MLLT1: variants seen among roughly 807,000 people sequenced by gnomAD.
MLLT1 encodes protein ENL.
A neutral mutation model predicts 55.1 loss-of-function variants in MLLT1; 11 were observed. That is an observed-to-expected ratio of 0.20 (90% CI 0.13 to 0.33). MLLT1 has a LOEUF of 0.33. Among genes scored for constraint, MLLT1 ranks in the 10% least tolerant of loss-of-function variants. MLLT1 has a pLI of 1.00. For missense variants in MLLT1, 536 were observed against 760.6 expected (o/e 0.70, Z 3.47); for synonymous variants, 323 against 320.1 (o/e 1.01, Z -0.10).
At chr19:6,257,336 G>A (rs560283171) in intron 3 of MLLT1, among the ~76,000 whole-genome samples, 5 of 150,892 alleles carry the variant, frequency 3.3e-5, no homozygotes, top group Admixed American at 2.6e-4. Context: ...TCACACTACT[G>A]CACTCCAGCC....
At chr19:6,218,790 C>T (rs752493463) in intron 6 of MLLT1, among the ~76,000 whole-genome samples, 1 of 152,244 alleles carries the variant, frequency 6.6e-6, no homozygotes, top group Non-Finnish European at 1.5e-5. Context: ...GCACTGCAGA[C>T]ACCTGCACGG....
At chr19:6,261,269 G>A (rs925258419) in intron 3 of MLLT1, among the ~76,000 whole-genome samples, 6 of 152,190 alleles carry the variant, frequency 3.9e-5, no homozygotes, top group South Asian at 2.1e-4. Flanking sequence ...TGGACCCCGC[G>A]CGAGGCCTTG....
At chr19:6,243,281 C>T (rs1849124294) in intron 3 of MLLT1, among the ~76,000 whole-genome samples, 1 of 152,152 alleles carries the variant, frequency 6.6e-6, no homozygotes, top group South Asian at 2.1e-4. Context: ...GCCCCCGGCC[C>T]CTGCCCTGCC....
At chr19:6,272,216 T>C (rs1216530547) in intron 1 of MLLT1, among the ~76,000 whole-genome samples, 1 of 152,072 alleles carries the variant, frequency 6.6e-6, no homozygotes, top group Non-Finnish European at 1.5e-5. Context: ...CCTAACCCTT[T>C]TGAAGTCAGA....
At chr19:6,275,243 C>G (rs117339589) in intron 1 of MLLT1, among the ~76,000 whole-genome samples, 71 of 152,314 alleles carry the variant, frequency 4.7e-4, no homozygotes, top group Non-Finnish European at 9.3e-4. Flanking sequence ...ACCTGGAGTT[C>G]GGCTACTGCA....
chr19:6,244,425 C>T (rs999578147), intron 3 of MLLT1, among the ~76,000 whole-genome samples: 2 of 151,788 alleles, frequency 1.3e-5, no homozygotes, highest in African/African-American at 4.8e-5. Flanking sequence ...TACTAGATAC[C>T]CACTACCCTT....
chr19:6,258,357 AACTGAT>A (rs1252029508), intron 3 of MLLT1, among the ~76,000 whole-genome samples: 1 of 152,124 alleles, frequency 6.6e-6, no homozygotes, highest in Non-Finnish European at 1.5e-5. Flanking sequence ...TGCAACCCCA[AACTGAT>A]ACTGTCAGCT....
chr19:6,254,657 A>G (rs1239083571), intron 3 of MLLT1, among the ~76,000 whole-genome samples: 1 of 152,208 alleles, frequency 6.6e-6, no homozygotes, highest in African/African-American at 2.4e-5. Context: ...GGTGTCAGAA[A>G]TGTTGTGAGT....
At chr19:6,233,908 T>C (rs1600187355) in intron 3 of MLLT1, among the ~76,000 whole-genome samples, 1 of 150,080 alleles carries the variant, frequency 6.7e-6, no homozygotes, top group South Asian at 2.1e-4. Context: ...CTTGTCCCAG[T>C]GGGTCCCTGC....
In MLLT1 at chr19:6,236,981, G is replaced by A. The variant is rs543874567; in HGVS notation, c.277-6268C>T. On this transcript the variant is annotated intron_variant, in intron 3 of 11. Coordinates refer to ENST00000252674, the MANE Select transcript of MLLT1 (RefSeq NM_005934.4). Reference sequence around the variant, plus strand: ...TCCCCACTCCCAGGCTGCTGGCCACGAGCCAGCGTCTCTCTGGCCTCGGGA... The same window carrying A: ...TCCCCACTCCCAGGCTGCTGGCCACAAGCCAGCGTCTCTCTGGCCTCGGGA... 1.2e-4 allele frequency among the ~76,000 whole-genome samples: 19 copies of A among 152,376 alleles called. No individual in the cohort carries two copies. In the South Asian group the frequency reaches 3.7e-3, roughly 30 times the overall value.
intron 2 of MLLT1, among the ~76,000 whole-genome samples, chr19:6,269,181 A>C (rs2091373583): frequency 6.6e-6 from 1 of 152,252 alleles, no homozygotes; most frequent in African/African-American, 2.4e-5. Context: ...GTGCACCAAT[A>C]AAAACAGGCT....
chr19:6,213,903 T>C, intron 9 of MLLT1, 36 bp downstream of exon 9: 1 of 1,489,690 alleles, frequency 6.7e-7, no homozygotes, highest in Non-Finnish European at 9.1e-7. Context: ...AAGCCCGGCC[T>C]CTGGTGCACC....
chr19:6,214,053 G>C lies in MLLT1; in HGVS notation c.1308-15C>G. 1 of 1,410,844 alleles carries C rather than the reference G, an allele frequency of 7.1e-7. No individual in the cohort carries two copies. The highest frequency in any genetic ancestry group is 9.3e-7 in the Non-Finnish European group (1 of 1,080,044). The allele number at this position is 1,410,844 out of a possible 1,614,324, so 87.4% of individuals were successfully genotyped here. ...TGAAGCTCAACCTGAACCGACACACGGGGGCGCATCAGGCCCCTGCCGCCA... is the reference window on the plus strand; with the variant it reads ...TGAAGCTCAACCTGAACCGACACACCGGGGCGCATCAGGCCCCTGCCGCCA... On this transcript the variant is annotated splice_polypyrimidine_tract_variant and intron_variant, in intron 8 of 11. Coordinates refer to ENST00000252674, the MANE Select transcript of MLLT1 (RefSeq NM_005934.4).
At chr19:6,239,970 T>C (rs1333823583) in intron 3 of MLLT1, among the ~76,000 whole-genome samples, 1 of 152,108 alleles carries the variant, frequency 6.6e-6, no homozygotes. Flanking sequence ...CAGCACCATG[T>C]GGGCTGAAAA....
intron 1 of MLLT1, among the ~76,000 whole-genome samples, chr19:6,279,118 G>A (rs193053409): frequency 1.3e-5 from 2 of 152,204 alleles, no homozygotes; most frequent in East Asian, 3.9e-4. Context: ...TAAAGCTTAG[G>A]CTGGGCCGGG....
chr19:6,242,466 C>T (rs868305378), intron 3 of MLLT1, among the ~76,000 whole-genome samples: 39 of 152,180 alleles, frequency 2.6e-4, no homozygotes, highest in African/African-American at 9.2e-4. Flanking sequence ...CTGGTGATGG[C>T]TGTGGCTCCC....
At chr19:6,238,833 G>T (rs1350347348) in intron 3 of MLLT1, among the ~76,000 whole-genome samples, 1 of 151,894 alleles carries the variant, frequency 6.6e-6, no homozygotes, top group South Asian at 2.1e-4. Flanking sequence ...GCAGCCAAAC[G>T]CCTCCTCCGC....
At position 6,212,811 on chromosome 19, in the gene MLLT1, GAGCCCGGGGGGCGGCTCCCGTGTGGCCC is replaced by G; in HGVS notation, c.*203_*230del. 1.1e-6 allele frequency: 1 copy of G among 906,614 alleles called. No individual in the cohort carries two copies. Among genetic ancestry groups the G allele is most frequent in the Non-Finnish European group, 1.5e-6 (1 of 656,934 alleles). 56.2% of individuals were successfully genotyped at this position (906,614 alleles called of 1,614,324 possible). ...AGCCGCTCTCTGAGGGGAGCCCAGAGAGCCCGGGGGGCGGCTCCCGTGTGGCCCAGCCCGGCCCCAGGGCTCCTGGCGA... is the reference window on the plus strand; with the variant it reads ...AGCCGCTCTCTGAGGGGAGCCCAGAGAGCCCGGCCCCAGGGCTCCTGGCGA... On this transcript the variant is annotated 3_prime_UTR_variant, in exon 12 of 12. Coordinates refer to ENST00000252674, the MANE Select transcript of MLLT1 (RefSeq NM_005934.4).
At position 6,222,743 on chromosome 19, in the gene MLLT1, G is replaced by T; in HGVS notation, c.547-59C>A. ...AGACAAGGTCACGTGGCATTGCGGG[G>T]CGCCCTGCTCCGCCACCCCTGACCC... On this transcript the variant is annotated intron_variant, in intron 5 of 11. Transcript: ENST00000252674. This position sits in a 1 kb window ranked among gnomAD's most constrained non-coding sequence, Gnocchi z 4.1. 7.0e-7 allele frequency: 1 copy of T among 1,432,404 alleles called. No homozygotes were observed. The highest frequency in any genetic ancestry group is 9.2e-7 in the Non-Finnish European group (1 of 1,082,002). The allele number at this position is 1,432,404 out of a possible 1,614,324, so 88.7% of individuals were successfully genotyped here. A position where few individuals can be genotyped will look rare whatever the true frequency, so the allele number is the denominator to read the frequency against.
Sources: gnomAD v4.1 joint callset for allele counts (sites outside exome capture counted in the v4.1 genomes callset) on GRCh38, gnomAD v4.1.1 for gene constraint, Gnocchi (gnomAD v3.1) non-coding constraint, MANE v1.5 for transcripts, NCBI Gene and HGNC (gene_info 2026-07-23, HGNC 2026-07-21) for gene names.